Variants in FPR3 observed in about 807,000 individuals in gnomAD.
FPR3 encodes N-formyl peptide receptor 3.
For missense variants in FPR3, 346 were observed against 443.2 expected (o/e 0.78, Z 1.97); for synonymous variants, 135 against 163.6 (o/e 0.83, Z 1.34).
chr19:51,820,972 A>G lies in FPR3; in HGVS notation c.-10-2767A>G, dbSNP rs76841772. Among the ~76,000 whole-genome samples the G allele has an allele frequency of 2.6e-4, 39 of 152,350 alleles. No homozygotes were observed. In the East Asian group the frequency reaches 7.1e-3, roughly 28 times the overall value. On this transcript the variant is annotated intron_variant, in intron 1 of 1. Coordinates refer to ENST00000339223, the MANE Select transcript of FPR3 (RefSeq NM_002030.5). The stretch of plus-strand genomic sequence containing the variant: ...AGCTCTTGGCATGTGAGTAATGTTC[A>G]TAAGTAGTAGCCACTATTGCTATGA...
At chr19:51,802,866 C>G (rs1052118402) in intron 1 of FPR3, among the ~76,000 whole-genome samples, 3 of 152,060 alleles carry the variant, frequency 2.0e-5, no homozygotes, top group African/African-American at 7.2e-5. Flanking sequence ...CTTTCATTTA[C>G]ATCGTTACAG....
intron 1 of FPR3, chr19:51,804,876 G>A (rs1192773961): frequency 6.6e-6 from 1 of 152,180 alleles, no homozygotes. Flanking sequence ...GCTTTACACG[G>A]CCCTCTGTAT....
intron 1 of FPR3, among the ~76,000 whole-genome samples, chr19:51,816,185 T>C (rs555505991): frequency 2.0e-5 from 3 of 152,188 alleles, no homozygotes; most frequent in Admixed American, 6.5e-5. Context: ...ATGTACCACC[T>C]CAACCTCTCC....
chr19:51,821,428 G>A (rs1399198361), intron 1 of FPR3, among the ~76,000 whole-genome samples: 1 of 152,140 alleles, frequency 6.6e-6, no homozygotes, highest in Non-Finnish European at 1.5e-5. Flanking sequence ...GGTGGATAGA[G>A]GCCAGGGGTG....
intron 1 of FPR3, among the ~76,000 whole-genome samples, chr19:51,814,641 G>A (rs1451725301): frequency 6.6e-6 from 1 of 151,740 alleles, no homozygotes; most frequent in Non-Finnish European, 1.5e-5. Flanking sequence ...CTACAGGCAT[G>A]TGCCATTCTG....
chr19:51,815,601 CTCA>C (rs2122464747), intron 1 of FPR3, among the ~76,000 whole-genome samples: 1 of 150,926 alleles, frequency 6.6e-6, no homozygotes, highest in African/African-American at 2.4e-5. Flanking sequence ...GGCACGGTGG[CTCA>C]CACTTGTCAT....
chr19:51,797,704 G>A (rs1304493361), intron 1 of FPR3, among the ~76,000 whole-genome samples: 1 of 152,024 alleles, frequency 6.6e-6, no homozygotes, highest in Non-Finnish European at 1.5e-5. Context: ...TGTGGATAAT[G>A]TTCATAAGTA....
At chr19:51,803,984 G>A (rs577656968) in intron 1 of FPR3, 42 of 152,228 alleles carry the variant, frequency 2.8e-4, no homozygotes, top group African/African-American at 8.7e-4. Context: ...AACATAAAAC[G>A]TTGGGGATCT....
intron 1 of FPR3, among the ~76,000 whole-genome samples, chr19:51,797,067 G>C (rs17761805): frequency 0.25 from 37,435 of 152,102 alleles, 5,026 homozygotes; most frequent in Admixed American, 0.33. Flanking sequence ...ATATCTCTTG[G>C]ATATATCTCA....
At chr19:51,802,870 G>A (rs1433838961) in intron 1 of FPR3, among the ~76,000 whole-genome samples, 3 of 151,586 alleles carry the variant, frequency 2.0e-5, no homozygotes, top group Admixed American at 6.6e-5. Context: ...CATTTACATC[G>A]TTACAGATTA....
Position 51,824,572 on chromosome 19 carries a change from G to C in FPR3, c.824G>C (p.Gly275Ala). ...TGGCTCAAAGAGATGTTGTTAAATG[G>C]CAAATACAAAATCATTCTTGTCCTG... ...AVWLKEMLLN[G>A]KYKIILVLIN... is the part of the protein sequence containing the mutation. Residue 275 changes from glycine to alanine, a missense_variant, in exon 2 of 2, where the codon GGC (glycine) becomes GCC (alanine). By Grantham distance (60) the Gly-to-Ala change is moderately conservative. Transcript: ENST00000339223. The surrounding 1 kb of genome is among the most constrained non-coding windows in gnomAD (Gnocchi z 4.7). 1 of 1,614,120 alleles carries C rather than the reference G, an allele frequency of 6.2e-7. No individual in the cohort carries two copies. Among genetic ancestry groups the C allele is most frequent in the Non-Finnish European group, 8.5e-7 (1 of 1,180,008 alleles).
intron 1 of FPR3, among the ~76,000 whole-genome samples, chr19:51,815,473 T>C (rs2084128445): frequency 6.6e-6 from 1 of 151,712 alleles, no homozygotes; most frequent in Admixed American, 6.6e-5. Context: ...GGCAGGAGAA[T>C]TGCTTGAACT....
intron 1 of FPR3, among the ~76,000 whole-genome samples, chr19:51,813,177 A>G (rs536717827): frequency 6.6e-6 from 1 of 151,522 alleles, no homozygotes; most frequent in African/African-American, 2.4e-5. Context: ...AAATTTATTG[A>G]TCACAGTTCT....
At chr19:51,812,754 C>T (rs1441362177) in intron 1 of FPR3, among the ~76,000 whole-genome samples, 2 of 152,176 alleles carry the variant, frequency 1.3e-5, no homozygotes, top group African/African-American at 4.8e-5. Flanking sequence ...ACACACATTA[C>T]AGTCATTTAA....
At chr19:51,822,032 T>C (rs1422701951) in intron 1 of FPR3, among the ~76,000 whole-genome samples, 1 of 152,136 alleles carries the variant, frequency 6.6e-6, no homozygotes, top group Non-Finnish European at 1.5e-5. Context: ...ACAAATACCT[T>C]GGATGTTTCT....
intron 1 of FPR3, among the ~76,000 whole-genome samples, chr19:51,799,238 C>G (rs1159499207): frequency 6.6e-6 from 1 of 152,116 alleles, no homozygotes; most frequent in Non-Finnish European, 1.5e-5. Context: ...CATGTACCTC[C>G]CGGGGTCTGT....
chr19:51,809,178 T>C (rs180736426), intron 1 of FPR3, among the ~76,000 whole-genome samples: 184 of 152,340 alleles, frequency 1.2e-3, no homozygotes, highest in African/African-American at 4.1e-3. Flanking sequence ...TATAAGTAAG[T>C]CTCAACCCCA....
chr19:51,801,415 G>T (rs892082270), intron 1 of FPR3, among the ~76,000 whole-genome samples: 2 of 152,118 alleles, frequency 1.3e-5, no homozygotes, highest in Non-Finnish European at 2.9e-5. Context: ...TGTAGTAAAA[G>T]TTTATGTAAA....
In FPR3 at chr19:51,825,162, G is replaced by C. The variant is rs142284095; in HGVS notation, c.*352G>C. 63 of 223,816 alleles carry C rather than the reference G, an allele frequency of 2.8e-4. 1 individual carries two copies. Among genetic ancestry groups the C allele is most frequent in the Middle Eastern group, 1.9e-3 (1 of 516 alleles). 13.9% of individuals were successfully genotyped at this position (223,816 alleles called of 1,614,324 possible). On this transcript the variant is annotated 3_prime_UTR_variant, in exon 2 of 2. Transcript: ENST00000339223. The stretch of plus-strand genomic sequence containing the variant: ...CAGGGTTCCCACTACCCCCTCTTTG[G>C]GGGTAGAGTGGCTCATGGAACTCAG...
Sources: allele counts gnomAD v4.1 joint callset (sites outside exome capture counted in the v4.1 genomes callset), GRCh38; gene constraint gnomAD v4.1.1; non-coding constraint Gnocchi (gnomAD v3.1); transcripts MANE v1.5; gene names NCBI Gene and HGNC (gene_info 2026-07-23, HGNC 2026-07-21).